The following ARHGAP32 variants were observed in gnomAD, a reference collection of about 807,000 sequenced individuals.
The protein encoded by ARHGAP32 is rho GTPase-activating protein 32.
In ARHGAP32, 51 loss-of-function variants were observed where a neutral mutation model predicts 186.5. The observed-to-expected ratio is 0.27, with a 90% CI of 0.22 to 0.35. ARHGAP32 has a LOEUF of 0.35. Ranked by LOEUF, ARHGAP32 falls within the 10% of genes least tolerant of loss-of-function variation. The probability of loss-of-function intolerance (pLI) is 1.00; values close to 1 mark genes in which losing one functional copy is unlikely to be tolerated. For synonymous variants in ARHGAP32, 950 were observed against 964.3 expected (o/e 0.99, Z 0.27); for missense variants, 2,186 against 2,623.5 (o/e 0.83, Z 3.64).
At chr11:129,056,481 A>T (rs1281346421) in intron 10 of ARHGAP32, among the ~76,000 whole-genome samples, 1 of 152,112 alleles carries the variant, frequency 6.6e-6, no homozygotes, top group Non-Finnish European at 1.5e-5. Flanking sequence ...TCCGGGGTCC[A>T]AGCAATCTTC....
chr11:129,249,552 C>A (rs960757191), intron 1 of ARHGAP32, among the ~76,000 whole-genome samples: 1 of 152,190 alleles, frequency 6.6e-6, no homozygotes, highest in South Asian at 2.1e-4. Context: ...ACAATTAAAG[C>A]GGTTTCCCAA....
chr11:129,133,305 T>C (rs976934192), intron 2 of ARHGAP32, among the ~76,000 whole-genome samples: 3 of 152,210 alleles, frequency 2.0e-5, no homozygotes, highest in African/African-American at 4.8e-5. Context: ...CTAACACTCA[T>C]GTCTTCGAAG....
At chr11:129,067,732 C>A (rs1330494415) in intron 6 of ARHGAP32, among the ~76,000 whole-genome samples, 1 of 151,980 alleles carries the variant, frequency 6.6e-6, no homozygotes, top group Non-Finnish European at 1.5e-5. Context: ...CCTTTTGGCT[C>A]ATAAAAATCT....
intron 6 of ARHGAP32, among the ~76,000 whole-genome samples, chr11:129,092,711 A>T (rs1273653753): frequency 6.6e-6 from 1 of 152,012 alleles, no homozygotes. Context: ...CACAACTAAA[A>T]ACTTCAGTAT....
At chr11:129,059,892 A>G (rs1429376482) in intron 10 of ARHGAP32, among the ~76,000 whole-genome samples, 2 of 152,192 alleles carry the variant, frequency 1.3e-5, no homozygotes, top group African/African-American at 4.8e-5. Context: ...TCTCACAGGC[A>G]CACTCCAACA....
intron 1 of ARHGAP32, among the ~76,000 whole-genome samples, chr11:129,232,047 AAAAG>A (rs1203727150): frequency 6.8e-6 from 1 of 147,910 alleles, no homozygotes; most frequent in Non-Finnish European, 1.5e-5. Context: ...AAAAAAAAAA[AAAAG>A]AGACTGCATC....
intron 5 of ARHGAP32, among the ~76,000 whole-genome samples, chr11:129,120,186 C>G (rs559285738): frequency 6.6e-6 from 1 of 151,834 alleles, no homozygotes; most frequent in Admixed American, 6.6e-5. Context: ...AAGATGGAGC[C>G]AAAAAATCTG....
chr11:129,253,920 T>C (rs540032947), intron 1 of ARHGAP32, among the ~76,000 whole-genome samples: 17 of 152,274 alleles, frequency 1.1e-4, no homozygotes, highest in South Asian at 6.2e-4. Context: ...ATAAATACAC[T>C]GTGACCGATA....
chr11:129,093,632 T>C lies in ARHGAP32; in HGVS notation c.520A>G (p.Ile174Val), dbSNP rs565331677. 3 of 1,604,286 alleles carry C rather than the reference T, an allele frequency of 1.9e-6. No individual in the cohort carries two copies. The South Asian group carries it at 3.4e-5, about 18-fold the overall frequency. Residue 174 changes from isoleucine (I) to valine (V), a missense_variant, in exon 6 of 23, where the codon ATT becomes GTT. By Grantham distance (29) the Ile-to-Val change is conservative. Coordinates refer to ENST00000682385, the MANE Select transcript of ARHGAP32 (RefSeq NM_001378024.1). ...ATTCACAAAATCACCTGACAAGCAA[T>C]CTGCACGAGGTAGACCAGCTCTTTA... The part of the protein sequence containing the change: ...ESKELVYLVQ[I>V]ACQGKSWIVK...
In ARHGAP32 at chr11:129,123,356, T is replaced by A; in HGVS notation, c.444+90A>T. 9.5e-7 allele frequency: 1 copy of A among 1,051,776 alleles called. No individual in the cohort carries two copies. Among genetic ancestry groups the A allele is most frequent in the Non-Finnish European group, 1.4e-6 (1 of 725,536 alleles). 65.2% of individuals were successfully genotyped at this position (1,051,776 alleles called of 1,614,324 possible). ...AAAAAAAAACTACTTCAAAGTGTCA[T>A]CTATTAGATACAGATATATAGATAA... On this transcript the variant is annotated intron_variant, in intron 5 of 22. Coordinates refer to ENST00000682385, the MANE Select transcript of ARHGAP32 (RefSeq NM_001378024.1). The surrounding 1 kb of genome is among the most constrained non-coding windows in gnomAD (Gnocchi z 4.6).
At chr11:129,202,050 A>G (rs1944462244) in intron 1 of ARHGAP32, among the ~76,000 whole-genome samples, 3 of 152,048 alleles carry the variant, frequency 2.0e-5, no homozygotes, top group Admixed American at 6.6e-5. Flanking sequence ...ATATACACAC[A>G]TATACATATA....
At chr11:129,040,133 T>C (rs1449822722) in intron 11 of ARHGAP32, among the ~76,000 whole-genome samples, 7 of 152,082 alleles carry the variant, frequency 4.6e-5, no homozygotes, top group African/African-American at 7.2e-5. Context: ...GTTTTTTTTT[T>C]CTTAACTCTT....
At chr11:129,038,496 C>T (rs1939448263) in intron 11 of ARHGAP32, among the ~76,000 whole-genome samples, 1 of 151,596 alleles carries the variant, frequency 6.6e-6, no homozygotes, top group Non-Finnish European at 1.5e-5. Flanking sequence ...TGGATACTAC[C>T]AAAGAAAGTC....
intron 10 of ARHGAP32, among the ~76,000 whole-genome samples, chr11:129,054,144 A>G (rs1230613428): frequency 6.6e-6 from 1 of 152,136 alleles, no homozygotes; most frequent in Non-Finnish European, 1.5e-5. Context: ...GGGGATAACT[A>G]TGAAAAACGA....
At chr11:129,226,664 T>A (rs1208144022) in intron 1 of ARHGAP32, among the ~76,000 whole-genome samples, 2 of 152,162 alleles carry the variant, frequency 1.3e-5, no homozygotes, top group Non-Finnish European at 2.9e-5. Flanking sequence ...AGTCATTACG[T>A]TAAATGTACA....
intron 1 of ARHGAP32, among the ~76,000 whole-genome samples, chr11:129,210,327 A>G (rs1439935194): frequency 6.6e-6 from 1 of 152,200 alleles, no homozygotes; most frequent in African/African-American, 2.4e-5. Flanking sequence ...TGTTTCTTCT[A>G]CCTTACAACT....
At chr11:129,068,323 C>T (rs1940763251) in intron 6 of ARHGAP32, among the ~76,000 whole-genome samples, 1 of 152,090 alleles carries the variant, frequency 6.6e-6, no homozygotes, top group South Asian at 2.1e-4. Flanking sequence ...TCCTTGCCTT[C>T]ATGATTCTGT....
At chr11:129,068,719 C>A (rs1014139228) in intron 6 of ARHGAP32, among the ~76,000 whole-genome samples, 3 of 151,936 alleles carry the variant, frequency 2.0e-5, no homozygotes, top group African/African-American at 7.2e-5. Context: ...TACCAAAATC[C>A]TGTTCATTTT....
rs1276381899 is a variant in ARHGAP32, at chr11:129,092,952, AG to A, written c.531+668del. 1.1e-3 allele frequency among the ~76,000 whole-genome samples: 175 copies of A among 152,194 alleles called. 2 individuals carry two copies. Among genetic ancestry groups the A allele is most frequent in the Non-Finnish European group, 1.1e-3 (75 of 67,880 alleles). On this transcript the variant is annotated intron_variant, in intron 6 of 22. Coordinates refer to ENST00000682385, the MANE Select transcript of ARHGAP32 (RefSeq NM_001378024.1). ...ATAAGTGAATAAAAGAACTATACTA[AG>A]TGCTTACATGATGGGGGAAATAATC...
Sources: allele counts gnomAD v4.1 joint callset (sites outside exome capture counted in the v4.1 genomes callset), GRCh38; gene constraint gnomAD v4.1.1; non-coding constraint Gnocchi (gnomAD v3.1); transcripts MANE v1.5; gene names NCBI Gene and HGNC (gene_info 2026-07-23, HGNC 2026-07-21).